The following CHL1 variants were observed in gnomAD, a reference collection of about 807,000 sequenced individuals.
CHL1 encodes neural cell adhesion molecule L1-like protein.
Under a neutral mutation model 141.9 loss-of-function variants are expected in CHL1, and 96 were observed. The ratio of observed to expected loss-of-function variants is 0.68; its 90% CI spans 0.57 to 0.80. CHL1 has a LOEUF of 0.80. Among genes scored for constraint, CHL1 ranks in the 30% least tolerant of loss-of-function variants. CHL1 has a pLI of 0.00. For synonymous variants in CHL1, 613 were observed against 502.2 expected (o/e 1.22, Z -2.95); for missense variants, 1,820 against 1,457.2 (o/e 1.25, Z -4.05).
At chr3:281,485 C>T (rs1696647333) in intron 2 of CHL1, among the ~76,000 whole-genome samples, 1 of 152,024 alleles carries the variant, frequency 6.6e-6, no homozygotes, top group African/African-American at 2.4e-5. Flanking sequence ...TGATGGTTCA[C>T]CTCTGTCTTA....
chr3:336,709 C>A (rs574824636), intron 5 of CHL1, among the ~76,000 whole-genome samples: 3 of 152,194 alleles, frequency 2.0e-5, no homozygotes, highest in Admixed American at 6.5e-5. Flanking sequence ...GATATAAATT[C>A]TGTTTTCAGA....
chr3:344,808 A>G, intron 9 of CHL1, 99 bp downstream of exon 9: 2 of 1,240,552 alleles, frequency 1.6e-6, no homozygotes, highest in East Asian at 2.5e-5. Flanking sequence ...ATATTTTAAA[A>G]TTATTTCCTT....
intron 1 of CHL1, among the ~76,000 whole-genome samples, chr3:209,960 CTT>C (rs61046032): frequency 6.6e-6 from 1 of 152,170 alleles, no homozygotes; most frequent in Non-Finnish European, 1.5e-5. Context: ...ATTCCATTGA[CTT>C]TTGAAGTTGA....
At chr3:379,567 C>G (rs1267283739) in intron 16 of CHL1, among the ~76,000 whole-genome samples, 3 of 152,102 alleles carry the variant, frequency 2.0e-5, no homozygotes, top group Admixed American at 6.6e-5. Flanking sequence ...TTTGAGCAGT[C>G]TCAGCCACCA....
chr3:298,244 G>A (rs985157031), intron 2 of CHL1, among the ~76,000 whole-genome samples: 1 of 152,072 alleles, frequency 6.6e-6, no homozygotes, highest in African/African-American at 2.4e-5. Flanking sequence ...ACAATAAGTC[G>A]AATTGCTAAA....
intron 10 of CHL1, among the ~76,000 whole-genome samples, chr3:351,920 T>G (rs987086991): frequency 1.3e-5 from 2 of 152,082 alleles, no homozygotes; most frequent in Non-Finnish European, 1.5e-5. Flanking sequence ...TAAAAAGAGA[T>G]ATATTATAGT....
At chr3:396,570 T>C (rs3773376) in intron 24 of CHL1, among the ~76,000 whole-genome samples, 27,324 of 152,154 alleles carry the variant, frequency 0.18, 3,336 homozygotes, top group East Asian at 0.56. Context: ...GTGCTGTTCA[T>C]GTGATTTTAC....
intron 1 of CHL1, among the ~76,000 whole-genome samples, chr3:229,531 G>GA (rs1414055628): frequency 6.6e-6 from 1 of 152,158 alleles, no homozygotes; most frequent in East Asian, 1.9e-4. Flanking sequence ...TGGCTAAGCA[G>GA]AACTCAGTCC....
At chr3:352,352 GTTTGT>G (rs1363890516) in intron 10 of CHL1, among the ~76,000 whole-genome samples, 1 of 152,046 alleles carries the variant, frequency 6.6e-6, no homozygotes, top group African/African-American at 2.4e-5. Context: ...TAGGTACCAA[GTTTGT>G]TTTATTTTGT....
intron 2 of CHL1, among the ~76,000 whole-genome samples, chr3:277,018 T>C (rs528633135): frequency 1.4e-4 from 21 of 151,820 alleles, no homozygotes; most frequent in African/African-American, 4.8e-4. Flanking sequence ...AATGATCTCA[T>C]CTGAAAATTG....
Position 398,388 on chromosome 3 carries a change from G to A in CHL1, c.3253+3G>A. 2.5e-6 allele frequency: 4 copies of A among 1,585,744 alleles called. No homozygotes were observed. The South Asian group carries it at 3.3e-5, about 13-fold the overall frequency. ...TGTAATTGAGACAAGAGGGAGAGGTGAGAAATGAGATTATATTTGGGGAAG... is the reference window on the plus strand; with the variant it reads ...TGTAATTGAGACAAGAGGGAGAGGTAAGAAATGAGATTATATTTGGGGAAG... On this transcript the variant is annotated splice_donor_region_variant and intron_variant, in intron 25 of 27. Transcript: ENST00000256509.
At chr3:243,452 T>A (rs1330919506) in intron 1 of CHL1, among the ~76,000 whole-genome samples, 3 of 152,130 alleles carry the variant, frequency 2.0e-5, no homozygotes, top group Non-Finnish European at 4.4e-5. Flanking sequence ...AATAATGCGG[T>A]CAGAAGTAGG....
chr3:331,970 C>T (rs1701477134), intron 5 of CHL1, among the ~76,000 whole-genome samples: 1 of 152,230 alleles, frequency 6.6e-6, no homozygotes, highest in Admixed American at 6.5e-5. Flanking sequence ...TACGTATCCA[C>T]TACTGATGAC....
At chr3:344,458 G>A in intron 8 of CHL1, 131 bp from the exon 9 acceptor site, 2 of 489,300 alleles carry the variant, frequency 4.1e-6, no homozygotes, top group Non-Finnish European at 6.8e-6. Flanking sequence ...TATGTGAAAT[G>A]TGTATAGAAC....
intron 2 of CHL1, chr3:282,596 G>T (rs953319097): frequency 7.9e-5 from 12 of 152,256 alleles, no homozygotes; most frequent in African/African-American, 2.6e-4. Flanking sequence ...AATTTTCAAA[G>T]AATAGTTTTG....
At chr3:235,464 G>T (rs1002451252) in intron 1 of CHL1, among the ~76,000 whole-genome samples, 9 of 152,098 alleles carry the variant, frequency 5.9e-5, no homozygotes, top group African/African-American at 2.2e-4. Flanking sequence ...CTGGCCTGTA[G>T]TTAGCCCTGT....
At position 205,970 on chromosome 3, in the gene CHL1, T is replaced by C. The variant is rs556017493; in HGVS notation, c.-175+8907T>C. ...AATTCAAACTCAGAAGTGTCTGATT[T>C]CCAGCCCCAGCAGTGCCCCCTCGAT... is the stretch of plus-strand genomic sequence containing the variant. On this transcript the variant is annotated intron_variant, in intron 1 of 27. Coordinates refer to ENST00000256509, the MANE Select transcript of CHL1 (RefSeq NM_006614.4). Among the ~76,000 whole-genome samples the C allele has an allele frequency of 2.6e-5, 4 of 152,348 alleles. No homozygotes were observed. The South Asian group carries it at 8.3e-4, about 32-fold the overall frequency.
intron 1 of CHL1, among the ~76,000 whole-genome samples, chr3:237,970 A>C (rs1692158384): frequency 6.6e-6 from 1 of 152,220 alleles, no homozygotes; most frequent in Non-Finnish European, 1.5e-5. Flanking sequence ...TTTTGCTGAT[A>C]AATAATTCCC....
chr3:287,466 ATGT>A (rs1697265964), intron 2 of CHL1, among the ~76,000 whole-genome samples: 1 of 152,126 alleles, frequency 6.6e-6, no homozygotes, highest in Non-Finnish European at 1.5e-5. Flanking sequence ...AAGCCATTTG[ATGT>A]TGTAGTTATT....
Sources: gnomAD v4.1 joint callset for allele counts (sites outside exome capture counted in the v4.1 genomes callset) on GRCh38, gnomAD v4.1.1 for gene constraint, MANE v1.5 for transcripts, NCBI Gene and HGNC (gene_info 2026-07-23, HGNC 2026-07-21) for gene names.